Variants in CSGALNACT1 observed in about 807,000 individuals in gnomAD.
CSGALNACT1 encodes beta4GalNAcT-1.
A neutral mutation model predicts 51.0 loss-of-function variants in CSGALNACT1; 52 were observed. The observed-to-expected ratio is 1.02, with a 90% confidence interval of 0.82 to 1.29. The LOEUF (loss-of-function observed/expected upper bound fraction) is 1.29. Among genes scored for constraint, CSGALNACT1 ranks in the 50% most tolerant of loss-of-function variants. The pLI is 0.00. For synonymous variants in CSGALNACT1, 341 were observed against 254.4 expected, an observed-to-expected ratio of 1.34 and a Z score of -3.24; for missense variants, 935 against 679.2, an observed-to-expected ratio of 1.38 and a Z score of -4.19.
At chr8:19,673,584 C>T (rs918977941) in intron 1 of CSGALNACT1, among the ~76,000 whole-genome samples, 1 of 152,164 alleles carries the variant, frequency 6.6e-6, no homozygotes, top group African/African-American at 2.4e-5. Flanking sequence ...ATCTTTAATT[C>T]CCATCGCTAT....
chr8:19,533,165 G>A (rs1274886222), intron 3 of CSGALNACT1, among the ~76,000 whole-genome samples: 1 of 152,082 alleles, frequency 6.6e-6, no homozygotes, highest in Non-Finnish European at 1.5e-5. Context: ...CACCCAGGCT[G>A]GAGTGTGGTG....
intron 2 of CSGALNACT1, among the ~76,000 whole-genome samples, chr8:19,594,163 A>G (rs1363690005): frequency 2.6e-5 from 4 of 152,216 alleles, no homozygotes; most frequent in African/African-American, 9.7e-5. Flanking sequence ...AGAGAATGAG[A>G]AGAACAGAAA....
At chr8:19,632,208 T>C (rs1349212723) in intron 1 of CSGALNACT1, among the ~76,000 whole-genome samples, 5 of 152,268 alleles carry the variant, frequency 3.3e-5, no homozygotes, top group Non-Finnish European at 7.3e-5. Context: ...GTTATGACTT[T>C]ATGATGTGGT....
intron 3 of CSGALNACT1, among the ~76,000 whole-genome samples, chr8:19,565,463 C>T (rs566423839): frequency 6.6e-6 from 1 of 152,322 alleles, no homozygotes; most frequent in Non-Finnish European, 1.5e-5. Context: ...GACATTCATT[C>T]ATCTCAGGTA....
At chr8:19,568,093 A>T (rs1393859256) in intron 3 of CSGALNACT1, among the ~76,000 whole-genome samples, 1 of 152,198 alleles carries the variant, frequency 6.6e-6, no homozygotes, top group Non-Finnish European at 1.5e-5. Context: ...GGTTTTTGCA[A>T]TGTAGAGATA....
chr8:19,650,221 G>T (rs180911818), intron 1 of CSGALNACT1, among the ~76,000 whole-genome samples: 1 of 152,118 alleles, frequency 6.6e-6, no homozygotes, highest in African/African-American at 2.4e-5. Context: ...AGTATAATCT[G>T]ATCAATGAGG....
intron 3 of CSGALNACT1, among the ~76,000 whole-genome samples, chr8:19,539,285 T>C (rs1469607463): frequency 6.6e-6 from 1 of 152,198 alleles, no homozygotes; most frequent in Non-Finnish European, 1.5e-5. Flanking sequence ...TATCCAAATT[T>C]GCTCATTCTA....
chr8:19,631,332 G>A (rs1475074555), intron 1 of CSGALNACT1, among the ~76,000 whole-genome samples: 1 of 152,190 alleles, frequency 6.6e-6, no homozygotes, highest in African/African-American at 2.4e-5. Flanking sequence ...AATGAATGGA[G>A]TTTCTGTTGC....
chr8:19,646,073 A>C (rs1423162959), intron 1 of CSGALNACT1, among the ~76,000 whole-genome samples: 1 of 152,250 alleles, frequency 6.6e-6, no homozygotes, highest in Non-Finnish European at 1.5e-5. Context: ...GAATAAGCCT[A>C]TTGAACGACA....
chr8:19,583,034 T>C (rs2045913318), intron 3 of CSGALNACT1, among the ~76,000 whole-genome samples: 2 of 152,172 alleles, frequency 1.3e-5, no homozygotes, highest in Non-Finnish European at 2.9e-5. Flanking sequence ...GACACATATA[T>C]ACACTGGAGA....
At chr8:19,487,467 G>A (rs77828462) in intron 4 of CSGALNACT1, among the ~76,000 whole-genome samples, 23,643 of 152,018 alleles carry the variant, frequency 0.16, 1,971 homozygotes, top group Middle Eastern at 0.22. Flanking sequence ...CACACCTACT[G>A]CAAAGGGCGA....
chr8:19,505,170 C>A, intron 4 of CSGALNACT1, 31 bp downstream of exon 3: 1 of 1,613,828 alleles, frequency 6.2e-7, no homozygotes, highest in South Asian at 1.1e-5. Flanking sequence ...TCCTTTTCTT[C>A]TCCTTTCCCC....
chr8:19,753,271 A>T (rs960627727), intron 1 of CSGALNACT1, among the ~76,000 whole-genome samples: 2 of 152,176 alleles, frequency 1.3e-5, no homozygotes, highest in African/African-American at 4.8e-5. Context: ...GGGAAATGAT[A>T]TTTAAAATGT....
intron 1 of CSGALNACT1, among the ~76,000 whole-genome samples, chr8:19,625,011 C>T (rs939282170): frequency 2.0e-5 from 3 of 152,302 alleles, no homozygotes; most frequent in Non-Finnish European, 2.9e-5. Flanking sequence ...TGTCATCCTG[C>T]TATCACCCAG....
chr8:19,639,123 G>C (rs2056445973), intron 1 of CSGALNACT1, among the ~76,000 whole-genome samples: 1 of 152,006 alleles, frequency 6.6e-6, no homozygotes, highest in Non-Finnish European at 1.5e-5. Flanking sequence ...CCCTCTAAAA[G>C]TACAAAATTA....
intron 3 of CSGALNACT1, among the ~76,000 whole-genome samples, chr8:19,571,805 C>T (rs1361707358): frequency 6.6e-6 from 1 of 152,204 alleles, no homozygotes; most frequent in Non-Finnish European, 1.5e-5. Context: ...GAAACCTCTG[C>T]CCTCTTTGCT....
At chr8:19,495,894 T>C (rs1023084693) in intron 4 of CSGALNACT1, among the ~76,000 whole-genome samples, 5 of 152,120 alleles carry the variant, frequency 3.3e-5, no homozygotes, top group Non-Finnish European at 7.4e-5. Flanking sequence ...GAACAAGATA[T>C]TACCTTTGCC....
At chr8:19,405,745 A>G (rs538811239) in exon 10 of CSGALNACT1, 1 of 1,613,850 alleles carries the variant, frequency 6.2e-7, no homozygotes. Context: ...GCAAAAGGAA[A>G]GAAAAAGTGT....
intron 3 of CSGALNACT1, among the ~76,000 whole-genome samples, chr8:19,531,625 A>C (rs1273925443): frequency 2.0e-5 from 3 of 152,228 alleles, no homozygotes; most frequent in Admixed American, 1.3e-4. Context: ...ATTGACATAG[A>C]ATCTCATGAC....
Sources: allele counts gnomAD v4.1 joint callset (sites outside exome capture counted in the v4.1 genomes callset), GRCh38; gene constraint gnomAD v4.1.1; transcripts MANE v1.5; gene names NCBI Gene and HGNC (gene_info 2026-07-23, HGNC 2026-07-21).